The following PPM1G variants were observed in gnomAD, a reference collection of about 807,000 sequenced individuals.
PPM1G encodes the protein protein phosphatase, Mg2+/Mn2+ dependent 1G.
A neutral mutation model predicts 59.4 loss-of-function variants in PPM1G; 12 were observed. The ratio of observed to expected loss-of-function variants is 0.20; its 90% CI spans 0.13 to 0.33. The LOEUF is 0.33. Ranked by LOEUF, PPM1G falls within the 10% of genes least tolerant of loss-of-function variation. PPM1G has a pLI of 1.00. For missense variants in PPM1G, 392 were observed against 681.3 expected (o/e 0.58, Z 4.73); for synonymous variants, 245 against 251.9 (o/e 0.97, Z 0.26).
rs959481539 is a variant in PPM1G, at chr2:27,384,295, G to A, written c.826-203C>T. On this transcript the variant is annotated intron_variant, in intron 5 of 9. Transcript: ENST00000344034. This position sits in a 1 kb window ranked among gnomAD's most constrained non-coding sequence, Gnocchi z 4.8. ...CCTGAACTGGGCTTAGCAGTCACTAGCAAAAAGCCCAGGACAAGGCAAGGG... is the reference window on the plus strand; with the variant it reads ...CCTGAACTGGGCTTAGCAGTCACTAACAAAAAGCCCAGGACAAGGCAAGGG... Among the ~76,000 whole-genome samples, 2 of 152,236 alleles carry A rather than the reference G, an allele frequency of 1.3e-5. No individual in the cohort carries two copies. The highest frequency in any genetic ancestry group is 2.9e-5 in the Non-Finnish European group (2 of 68,044).
At chr2:27,381,912 A>G in intron 9 of PPM1G, 107 bp from the exon 10 acceptor site, 2 of 1,201,916 alleles carry the variant, frequency 1.7e-6, no homozygotes, top group Non-Finnish European at 2.4e-6. Flanking sequence ...TAGGAGAGGA[A>G]TGGGCAAGAG....
chr2:27,387,029 G>A, intron 2 of PPM1G, 60 bp downstream of exon 2: 1 of 1,351,938 alleles, frequency 7.4e-7, no homozygotes, highest in Non-Finnish European at 1.1e-6. Context: ...ACCTGTTCTT[G>A]CCCTGGAACG....
At chr2:27,392,862 C>G (rs1264241130) in intron 1 of PPM1G, 6 of 1,462,320 alleles carry the variant, frequency 4.1e-6, no homozygotes, top group Non-Finnish European at 4.7e-6. Context: ...GCGCTCCCAT[C>G]TCGTGCATGT....
At chr2:27,390,643 GTTTTT>G (rs748549956) in intron 1 of PPM1G, among the ~76,000 whole-genome samples, 3 of 149,614 alleles carry the variant, frequency 2.0e-5, no homozygotes, top group East Asian at 3.9e-4. Flanking sequence ...AACCATGTCA[GTTTTT>G]TTTTTATTTT....
chr2:27,409,429 G>A lies in PPM1G; in HGVS notation c.-7C>T, dbSNP rs534585613. The A allele has an allele frequency of 1.3e-6, 2 of 1,505,898 alleles. No homozygotes were observed. The highest frequency in any genetic ancestry group is 4.4e-5 in the Admixed American group (2 of 45,214). The allele number at this position is 1,505,898 out of a possible 1,614,324, so 93.3% of individuals were successfully genotyped here. A position where few individuals can be genotyped will look rare whatever the true frequency, so the allele number is the denominator to read the frequency against. ...GGGAGAGGTAGGCACCCATGGCGGC[G>A]GCTGGCCGGCGGCCTCAGGTGCAGG... is the stretch of plus-strand genomic sequence containing the variant. On this transcript the variant is annotated 5_prime_UTR_variant, in exon 1 of 10. Transcript: ENST00000344034.
Position 27,385,959 on chromosome 2 carries a change from A to C in PPM1G, c.277-80T>G. On this transcript the variant is annotated intron_variant, in intron 3 of 9. Transcript: ENST00000344034. The surrounding 1 kb of genome is among the most constrained non-coding windows in gnomAD (Gnocchi z 4.1). ...ATCCTGAGCACAAGGATGGAATACA[A>C]ATTAAGAGTGTGAGCCACCACACTA... 1 of 1,498,150 alleles carries C rather than the reference A, an allele frequency of 6.7e-7. No individual in the cohort carries two copies. The highest frequency in any genetic ancestry group is 2.3e-5 in the East Asian group (1 of 43,546). The allele number at this position is 1,498,150 out of a possible 1,614,324, so 92.8% of individuals were successfully genotyped here.
chr2:27,382,261 G>A lies in PPM1G; in HGVS notation c.1332-33C>T, dbSNP rs1683652044. 1 of 1,602,846 alleles carries A rather than the reference G, an allele frequency of 6.2e-7. No individual in the cohort carries two copies. The highest frequency in any genetic ancestry group is 1.7e-5 in the Admixed American group (1 of 60,006). On this transcript the variant is annotated intron_variant, in intron 8 of 9. Coordinates refer to ENST00000344034, the MANE Select transcript of PPM1G (RefSeq NM_177983.3). The surrounding 1 kb of genome is among the most constrained non-coding windows in gnomAD (Gnocchi z 4.2). ...CAAGAACAACAGTCAGAATCTTCCA[G>A]TCTCACTAAGGCAGCGTAGAGGAGT...
intron 2 of PPM1G, 94 bp downstream of exon 2, chr2:27,386,995 C>A: frequency 1.0e-6 from 1 of 970,490 alleles, no homozygotes; most frequent in East Asian, 2.5e-5. Flanking sequence ...AGGGCCAGAC[C>A]CTGGAAAGTA....
chr2:27,390,177 G>A (rs1360658482), intron 1 of PPM1G, among the ~76,000 whole-genome samples: 8 of 151,886 alleles, frequency 5.3e-5, no homozygotes, highest in African/African-American at 9.7e-5. Context: ...CTGCCACCAC[G>A]CCCAGCCAAT....
chr2:27,388,784 A>G (rs940270309), intron 1 of PPM1G, among the ~76,000 whole-genome samples: 2 of 140,812 alleles, frequency 1.4e-5, no homozygotes, highest in African/African-American at 2.6e-5. Context: ...CTGAGGCAGG[A>G]GAATGGCGTG....
chr2:27,382,098 A>AC lies in PPM1G; in HGVS notation c.1434+27dup. 1 of 1,590,184 alleles carries AC rather than the reference A, an allele frequency of 6.3e-7. No individual in the cohort carries two copies. The highest frequency in any genetic ancestry group is 8.6e-7 in the Non-Finnish European group (1 of 1,158,538). On this transcript the variant is annotated intron_variant, in intron 9 of 9. Transcript: ENST00000344034. This position sits in a 1 kb window ranked among gnomAD's most constrained non-coding sequence, Gnocchi z 4.2. The stretch of plus-strand genomic sequence containing the variant: ...TGAACCCTGGCTGTGCAGACCAGAC[A>AC]CCCTCTCTTCTCCACCCTGGTACTC...
At chr2:27,395,249 A>AG (rs1684020242) in intron 1 of PPM1G, among the ~76,000 whole-genome samples, 2 of 138,802 alleles carry the variant, frequency 1.4e-5, no homozygotes, top group African/African-American at 5.6e-5. Flanking sequence ...AAAAAAAAAA[A>AG]AGAAAGAAAG....
chr2:27,400,548 G>T (rs1021652358), intron 1 of PPM1G, among the ~76,000 whole-genome samples: 3 of 152,130 alleles, frequency 2.0e-5, no homozygotes, highest in Admixed American at 6.5e-5. Context: ...GAGGCCAGGG[G>T]TTCAAGGCCA....
chr2:27,384,620 C>G lies in PPM1G; in HGVS notation c.825+53G>C. The G allele has an allele frequency of 1.3e-6, 2 of 1,537,252 alleles. No individual in the cohort carries two copies. Among genetic ancestry groups the G allele is most frequent in the Non-Finnish European group, 1.8e-6 (2 of 1,141,990 alleles). Reference sequence around the variant, plus strand: ...AGAGTTGAAAACTACAGACGGCAACCAAACAGGACCTCTCTGCAACTTCAG... The same window carrying G: ...AGAGTTGAAAACTACAGACGGCAACGAAACAGGACCTCTCTGCAACTTCAG... On this transcript the variant is annotated intron_variant, in intron 5 of 9. Coordinates refer to ENST00000344034, the MANE Select transcript of PPM1G (RefSeq NM_177983.3). This position sits in a 1 kb window ranked among gnomAD's most constrained non-coding sequence, Gnocchi z 4.8.
In PPM1G at chr2:27,385,344, A is replaced by ATTG; in HGVS notation, c.410-259_410-257dup. 1 of 457,714 alleles carries ATTG rather than the reference A, an allele frequency of 2.2e-6. No individual in the cohort carries two copies. The highest frequency in any genetic ancestry group is 4.2e-5 in the South Asian group (1 of 23,736). The allele number at this position is 457,714 out of a possible 1,614,324, so 28.4% of individuals were successfully genotyped here. A position where few individuals can be genotyped will look rare whatever the true frequency, so the allele number is the denominator to read the frequency against. ...CTTCCCCTCTGACGTCTCATTTTTT[A>ATTG]TTGTTAAGTTGTAAAAACCCTATTC... is the stretch of plus-strand genomic sequence containing the variant. On this transcript the variant is annotated intron_variant, in intron 4 of 9. Coordinates refer to ENST00000344034, the MANE Select transcript of PPM1G (RefSeq NM_177983.3). This position sits in a 1 kb window ranked among gnomAD's most constrained non-coding sequence, Gnocchi z 4.1.
In PPM1G at chr2:27,392,840, C is replaced by G. The variant is rs532446629; in HGVS notation, c.121-5682G>C. 4.5e-5 allele frequency: 66 copies of G among 1,478,126 alleles called. 1 individual carries two copies. In the Middle Eastern group the frequency reaches 9.6e-4, roughly 21 times the overall value. 91.6% of individuals were successfully genotyped at this position (1,478,126 alleles called of 1,614,324 possible). A position where few individuals can be genotyped will look rare whatever the true frequency, so the allele number is the denominator to read the frequency against. ...TGCTTGTCAAAGAGGTATTCTGCCA[C>G]GCCAGATTCGGGCGCTCCCATCTCG... On this transcript the variant is annotated intron_variant, in intron 1 of 9. Coordinates refer to ENST00000344034, the MANE Select transcript of PPM1G (RefSeq NM_177983.3).
In PPM1G at chr2:27,384,681, C is replaced by T; in HGVS notation, c.817G>A (p.Asp273Asn). Residue 273 changes from aspartate (D) to asparagine (N), a missense_variant, in exon 5 of 10, where the codon GAC becomes AAC. Asp to Asn is a conservative substitution (Grantham distance 23). This residue lies in a region of PPM1G where 188 missense variants were observed against 248.8 expected (regional missense o/e 0.76). Coordinates refer to ENST00000344034, the MANE Select transcript of PPM1G (RefSeq NM_177983.3). The surrounding 1 kb of genome is among the most constrained non-coding windows in gnomAD (Gnocchi z 4.8). ...CCCTCACAGGCCCTTACCTCACTGTCTTCCTCTTCTTCCTCCGCCTCATCT... is the reference window on the plus strand; with the variant it reads ...CCCTCACAGGCCCTTACCTCACTGTTTTCCTCTTCTTCCTCCGCCTCATCT... ...ESDEAEEEEEDSEECSEEEDG... is the reference protein window; with the variant it reads ...ESDEAEEEEENSEECSEEEDG... 1 of 1,606,276 alleles carries T rather than the reference C, an allele frequency of 6.2e-7. No individual in the cohort carries two copies. Among genetic ancestry groups the T allele is most frequent in the Non-Finnish European group, 8.5e-7 (1 of 1,173,794 alleles).
intron 1 of PPM1G, chr2:27,393,414 G>T (rs753379366): frequency 8.1e-7 from 1 of 1,238,780 alleles, no homozygotes; most frequent in Non-Finnish European, 1.2e-6. Flanking sequence ...GTGGCTACGC[G>T]GCGCTGGAGC....
rs1683735274 is a variant in PPM1G at position 27,385,212 on chromosome 2, C to T, written c.410-124G>A. 2 of 1,125,476 alleles carry T rather than the reference C, an allele frequency of 1.8e-6. No individual in the cohort carries two copies. Among genetic ancestry groups the T allele is most frequent in the African/African-American group, 3.1e-5 (2 of 64,046 alleles). 69.7% of individuals were successfully genotyped at this position (1,125,476 alleles called of 1,614,324 possible). On this transcript the variant is annotated intron_variant, in intron 4 of 9. Coordinates refer to ENST00000344034, the MANE Select transcript of PPM1G (RefSeq NM_177983.3). This position sits in a 1 kb window ranked among gnomAD's most constrained non-coding sequence, Gnocchi z 4.1. Reference sequence around the variant, plus strand: ...ACAACCTCCCACTCCCAAGGTTCCTCTCGCTCAAGTCTCAGAAGAACATGC... The same window carrying T: ...ACAACCTCCCACTCCCAAGGTTCCTTTCGCTCAAGTCTCAGAAGAACATGC...
Sources: allele counts gnomAD v4.1 joint callset (sites outside exome capture counted in the v4.1 genomes callset), GRCh38; gene constraint gnomAD v4.1.1; regional missense constraint gnomAD v4.1.1; non-coding constraint Gnocchi (gnomAD v3.1); transcripts MANE v1.5; gene names NCBI Gene and HGNC (gene_info 2026-07-23, HGNC 2026-07-21).